The following GRIP1 variants were observed in gnomAD, a reference collection of about 807,000 sequenced individuals.
GRIP1 encodes the protein glutamate receptor interacting protein 1, also known as glutamate receptor-interacting protein 1.
In GRIP1, 45 loss-of-function variants were observed where a neutral mutation model predicts 129.9. The observed-to-expected ratio is 0.35, with a 90% CI of 0.27 to 0.44. The LOEUF (loss-of-function observed/expected upper bound fraction) is 0.44, where lower values mean the gene tolerates loss of function less well. Ranked by LOEUF, GRIP1 falls within the 20% of genes least tolerant of loss-of-function variation. The pLI is 1.00. For synonymous variants in GRIP1, 530 were observed against 520.8 expected (o/e 1.02, Z -0.24); for missense variants, 1,196 against 1,396.8 (o/e 0.86, Z 2.29).
chr12:66,541,691 C>T, intron 3 of GRIP1, 124 bp downstream of exon 3: 2 of 1,001,940 alleles, frequency 2.0e-6, no homozygotes, highest in Non-Finnish European at 3.2e-6. Flanking sequence ...CTTCTGCTGG[C>T]CTGTGCTGCC....
intron 5 of GRIP1, 97 bp from the exon 6 acceptor site, chr12:66,518,073 T>G (rs1592468627): frequency 1.0e-5 from 8 of 793,606 alleles, no homozygotes; most frequent in Non-Finnish European, 1.6e-5. Context: ...TCCTACTTGA[T>G]GTACGGAGGA....
chr12:66,366,858 A>ATT (rs5798823), intron 23 of GRIP1, among the ~76,000 whole-genome samples: 1 of 151,654 alleles, frequency 6.6e-6, no homozygotes, highest in Non-Finnish European at 1.5e-5. Context: ...TAATTTTTTC[A>ATT]TTTTTTGTAG....
chr12:66,387,590 A>G (rs557247155), intron 19 of GRIP1, among the ~76,000 whole-genome samples: 45 of 152,304 alleles, frequency 3.0e-4, no homozygotes, highest in Non-Finnish European at 5.3e-4. Context: ...GATGAAGAAT[A>G]CTCATGAGAA....
chr12:66,434,290 C>T (rs1203477819), intron 13 of GRIP1, among the ~76,000 whole-genome samples: 1 of 152,118 alleles, frequency 6.6e-6, no homozygotes, highest in African/African-American at 2.4e-5. Context: ...CTCCTTCGCT[C>T]TGGTTTTTAT....
In GRIP1 at chr12:66,465,304, G is replaced by C; in HGVS notation, c.843C>G (p.Asp281Glu). 6.2e-7 allele frequency: 1 copy of C among 1,613,850 alleles called. No homozygotes were observed. ...MCCNKQVIVI[D>E]KIKSASIADR... ...CTGCAATACTTGCAGATTTGATTTTGTCTATGACAATGACTTGTTTGTTAC... is the reference window on the plus strand; with the variant it reads ...CTGCAATACTTGCAGATTTGATTTTCTCTATGACAATGACTTGTTTGTTAC... The change falls in exon 8 of 25, where the codon GAC becomes GAG. Residue 281 changes from aspartate (D) to glutamate (E), a missense_variant. By Grantham distance (45) the Asp-to-Glu change is conservative. Transcript: ENST00000359742.
At chr12:66,795,224 C>A (rs1856295845) in intron 1 of GRIP1, among the ~76,000 whole-genome samples, 1 of 152,182 alleles carries the variant, frequency 6.6e-6, no homozygotes, top group South Asian at 2.1e-4. Context: ...TAACCTATAT[C>A]CAATTTTTAG....
chr12:67,006,931 C>A (rs2042635649), intron 1 of GRIP1, among the ~76,000 whole-genome samples: 1 of 152,224 alleles, frequency 6.6e-6, no homozygotes, highest in African/African-American at 2.4e-5. Context: ...TCACTGCTCA[C>A]CTTCAGTTTC....
chr12:66,713,100 T>A (rs1279466224), intron 1 of GRIP1, among the ~76,000 whole-genome samples: 1 of 151,978 alleles, frequency 6.6e-6, no homozygotes, highest in Non-Finnish European at 1.5e-5. Flanking sequence ...AGCAGACTAT[T>A]TTTCTTCCAC....
intron 23 of GRIP1, among the ~76,000 whole-genome samples, chr12:66,355,940 T>C (rs2054468643): frequency 6.6e-6 from 1 of 152,182 alleles, no homozygotes; most frequent in Non-Finnish European, 1.5e-5. Context: ...GATTTAATTC[T>C]GGAGTTCCAG....
intron 1 of GRIP1, among the ~76,000 whole-genome samples, chr12:66,661,459 CAA>C (rs576128556): frequency 0.021 from 909 of 43,148 alleles, 12 homozygotes; most frequent in African/African-American, 0.046. Context: ...TAGATTTTGG[CAA>C]AAAAAAAAAA....
At chr12:66,780,191 T>A (rs1454001082) in intron 1 of GRIP1, among the ~76,000 whole-genome samples, 2 of 152,164 alleles carry the variant, frequency 1.3e-5, no homozygotes, top group African/African-American at 4.8e-5. Flanking sequence ...CTCCAAATTA[T>A]AAGCAAGTGA....
In GRIP1 at chr12:66,392,372, G is replaced by A. The variant is rs1565693434; in HGVS notation, c.2400C>T (p.Pro800=). 3 of 1,613,534 alleles carry A rather than the reference G, an allele frequency of 1.9e-6. No individual in the cohort carries two copies. Among genetic ancestry groups the A allele is most frequent in the Non-Finnish European group, 2.5e-6 (3 of 1,179,620 alleles). The part of the protein sequence containing the change: ...KLSDMYPSTV[P]SVDSAVDSWD... The stretch of plus-strand genomic sequence containing the variant: ...ATGAATCCACAGCACTGTCCACACT[G>A]GGCACCGTGGAGGGGTACATGTCGG... Residue 800 remains proline, a synonymous_variant, in exon 19 of 25, where the codon CCC becomes CCT. Transcript: ENST00000359742.
chr12:66,593,780 C>T (rs988585732), intron 2 of GRIP1, among the ~76,000 whole-genome samples: 42 of 152,086 alleles, frequency 2.8e-4, no homozygotes, highest in Non-Finnish European at 4.6e-4. Flanking sequence ...GTTAAGATTT[C>T]AGCCTCGGCT....
intron 2 of GRIP1, among the ~76,000 whole-genome samples, chr12:66,593,237 G>A (rs980564140): frequency 6.6e-6 from 1 of 151,644 alleles, no homozygotes; most frequent in African/African-American, 2.4e-5. Flanking sequence ...TCCTAAGAGT[G>A]TTTAATCCAT....
At chr12:66,388,747 G>A (rs1464539152) in intron 19 of GRIP1, among the ~76,000 whole-genome samples, 2 of 152,204 alleles carry the variant, frequency 1.3e-5, no homozygotes, top group African/African-American at 2.4e-5. Context: ...ACAAGGTTTC[G>A]TCATTCCATT....
intron 1 of GRIP1, among the ~76,000 whole-genome samples, chr12:66,597,892 G>T (rs1408815131): frequency 6.6e-6 from 1 of 152,094 alleles, no homozygotes; most frequent in Non-Finnish European, 1.5e-5. Context: ...AAAAGTAAAA[G>T]AAATGTGAAT....
intron 1 of GRIP1, among the ~76,000 whole-genome samples, chr12:66,892,851 G>C (rs2040684754): frequency 1.3e-5 from 2 of 152,110 alleles, no homozygotes; most frequent in Non-Finnish European, 1.5e-5. Context: ...CCTGTGGTCT[G>C]AGCTACTTGG....
At chr12:66,790,389 T>C (rs1051221189) in intron 1 of GRIP1, among the ~76,000 whole-genome samples, 8 of 152,176 alleles carry the variant, frequency 5.3e-5, no homozygotes, top group Admixed American at 5.2e-4. Context: ...GTCAAGTATC[T>C]TTCCAGTAGG....
chr12:66,845,929 T>C (rs2039806421), intron 1 of GRIP1, among the ~76,000 whole-genome samples: 1 of 152,182 alleles, frequency 6.6e-6, no homozygotes, highest in African/African-American at 2.4e-5. Flanking sequence ...CCTCTACTCC[T>C]ACTCCTCTCC....
Sources: gnomAD v4.1 joint callset for allele counts (sites outside exome capture counted in the v4.1 genomes callset) on GRCh38, gnomAD v4.1.1 for gene constraint, MANE v1.5 for transcripts, NCBI Gene and HGNC (gene_info 2026-07-23, HGNC 2026-07-21) for gene names.